The following PPARGC1B variants were observed in gnomAD, a reference collection of about 807,000 sequenced individuals.
PPARGC1B encodes PPARG coactivator 1 beta.
A neutral mutation model predicts 101.6 loss-of-function variants in PPARGC1B; 34 were observed. The observed-to-expected ratio is 0.33, with a 90% CI of 0.25 to 0.45. The LOEUF is 0.45. Ranked by LOEUF, PPARGC1B falls within the 20% of genes least tolerant of loss-of-function variation. The pLI is 1.00. For synonymous variants in PPARGC1B, 548 were observed against 539.3 expected, an observed-to-expected ratio of 1.02 and a Z score of -0.22; for missense variants, 1,234 against 1,317.6, an observed-to-expected ratio of 0.94 and a Z score of 0.98.
intron 1 of PPARGC1B, among the ~76,000 whole-genome samples, chr5:149,733,979 A>G (rs556712784): frequency 6.6e-6 from 1 of 152,346 alleles, no homozygotes; most frequent in Non-Finnish European, 1.5e-5. Context: ...ATTGTCATGT[A>G]TATTCCAGAC....
intron 1 of PPARGC1B, among the ~76,000 whole-genome samples, chr5:149,784,605 T>A (rs1279918341): frequency 2.3e-4 from 31 of 137,412 alleles, no homozygotes; most frequent in African/African-American, 7.8e-4. Context: ...TCTCGCTCTG[T>A]CGCCCAGGCT....
At chr5:149,797,344 T>C (rs543695174) in intron 1 of PPARGC1B, among the ~76,000 whole-genome samples, 4 of 152,364 alleles carry the variant, frequency 2.6e-5, no homozygotes, top group Non-Finnish European at 5.9e-5. Context: ...AAATTTAGCA[T>C]TTCCTTTATG....
intron 10 of PPARGC1B, among the ~76,000 whole-genome samples, chr5:149,842,973 G>A (rs188185192): frequency 8.7e-4 from 132 of 152,302 alleles, no homozygotes; most frequent in African/African-American, 3.1e-3. Flanking sequence ...TTCAAGACCA[G>A]CCTGGCCAAC....
At chr5:149,734,407 T>C (rs1017706796) in intron 1 of PPARGC1B, among the ~76,000 whole-genome samples, 4 of 151,662 alleles carry the variant, frequency 2.6e-5, no homozygotes, top group Admixed American at 2.0e-4. Context: ...ACTTGTTTTT[T>C]TTTTTCCTCT....
At chr5:149,733,965 CTTAA>C (rs1422543510) in intron 1 of PPARGC1B, among the ~76,000 whole-genome samples, 1 of 152,096 alleles carries the variant, frequency 6.6e-6, no homozygotes, top group Non-Finnish European at 1.5e-5. Context: ...AAGATAACCA[CTTAA>C]TTGTCATGTA....
intron 1 of PPARGC1B, among the ~76,000 whole-genome samples, chr5:149,794,400 C>T (rs1368243834): frequency 1.3e-5 from 2 of 152,068 alleles, no homozygotes; most frequent in Non-Finnish European, 2.9e-5. Flanking sequence ...CCCATGTAGG[C>T]AAGGGGGCTG....
intron 1 of PPARGC1B, among the ~76,000 whole-genome samples, chr5:149,746,687 T>C (rs546525153): frequency 3.0e-4 from 45 of 152,340 alleles, no homozygotes; most frequent in African/African-American, 8.7e-4. Flanking sequence ...CTGTTTTCCA[T>C]GGTGGCTGTA....
At position 149,833,375 on chromosome 5, in the gene PPARGC1B, G is replaced by A. The variant is rs1561612105; in HGVS notation, c.1302G>A (p.Glu434=). ...TGCAGCAGCAGGAGGAGGAAGACGA[G>A]GAAGAAGAGGAGGAGGAAGAGGAAG... ...ARLQQQEEED[E]EEEEEEEEEE... The change falls in exon 5 of 12, where the codon GAG becomes GAA. Residue 434 remains glutamate (E), a synonymous_variant. Transcript: ENST00000309241. The surrounding 1 kb of genome is among the most constrained non-coding windows in gnomAD (Gnocchi z 4.1). 1.2e-6 allele frequency: 2 copies of A among 1,613,294 alleles called. No homozygotes were observed. The highest frequency in any genetic ancestry group is 1.7e-5 in the Admixed American group (1 of 59,964).
intron 1 of PPARGC1B, among the ~76,000 whole-genome samples, chr5:149,766,804 C>T (rs554714481): frequency 2.4e-4 from 37 of 152,324 alleles, no homozygotes; most frequent in African/African-American, 7.9e-4. Context: ...TGCTCCCTGT[C>T]CCCCCACAAA....
intron 2 of PPARGC1B, among the ~76,000 whole-genome samples, chr5:149,821,044 A>G (rs1186200692): frequency 6.6e-6 from 1 of 152,216 alleles, no homozygotes; most frequent in Non-Finnish European, 1.5e-5. Flanking sequence ...CAGAAGTTGA[A>G]CTGGATTCAA....
chr5:149,777,052 G>T (rs1042945951), intron 1 of PPARGC1B, among the ~76,000 whole-genome samples: 5 of 152,220 alleles, frequency 3.3e-5, no homozygotes, highest in Non-Finnish European at 5.9e-5. Context: ...CATTGTGCAG[G>T]TGCTGGGCCT....
chr5:149,824,898 C>G (rs62382344), intron 2 of PPARGC1B, among the ~76,000 whole-genome samples: 2 of 152,156 alleles, frequency 1.3e-5, no homozygotes, highest in Non-Finnish European at 2.9e-5. Context: ...GTTCTCTCCC[C>G]GTGTTCCCCC....
rs1383484119 is a variant in PPARGC1B at position 149,847,548 on chromosome 5, G to A, written c.3062G>A (p.Ser1021Asn). 1.2e-6 allele frequency: 2 copies of A among 1,613,628 alleles called. No individual in the cohort carries two copies. The highest frequency in any genetic ancestry group is 2.2e-5 in the South Asian group (2 of 91,062). ...FDSLLKEAQQ[S>N]LH ...AGCTTACTGAAAGAGGCCCAGCAGA[G>A]CCTGCATTGATAACAGCCTTAACCC... is the stretch of plus-strand genomic sequence containing the variant. The change falls in exon 12 of 12, where the codon AGC (serine) becomes AAC (asparagine). Residue 1021 changes from serine to asparagine, a missense_variant. Physicochemically the swap from Ser to Asn is conservative, Grantham distance 46. Transcript: ENST00000309241.
Position 149,756,332 on chromosome 5 carries a change from A to T in PPARGC1B, c.78+25912A>T, listed in dbSNP as rs1442513575. On this transcript the variant is annotated intron_variant, in intron 1 of 11. Transcript: ENST00000309241. ...CCAGGTGTGGTGGCAGGCACCTGTA[A>T]TCCCAGCTACTTGGGAGGCTGAGGC... 9.9e-5 allele frequency among the ~76,000 whole-genome samples: 15 copies of T among 152,158 alleles called. No individual in the cohort carries two copies. The East Asian group carries it at 2.9e-3, about 29-fold the overall frequency.
intron 1 of PPARGC1B, among the ~76,000 whole-genome samples, chr5:149,804,139 G>T (rs1359832809): frequency 6.6e-6 from 1 of 152,280 alleles, no homozygotes; most frequent in South Asian, 2.1e-4. Flanking sequence ...AGGGGGGTTA[G>T]TGTGAGAGAG....
chr5:149,842,135 G>A, intron 9 of PPARGC1B, 121 bp from the exon 10 acceptor site: 2 of 1,266,002 alleles, frequency 1.6e-6, no homozygotes, highest in Non-Finnish European at 2.2e-6. Flanking sequence ...ACTCCAGCCG[G>A]TATTGCTCAC....
At chr5:149,764,997 A>G (rs1755854059) in intron 1 of PPARGC1B, among the ~76,000 whole-genome samples, 1 of 151,984 alleles carries the variant, frequency 6.6e-6, no homozygotes, top group Non-Finnish European at 1.5e-5. Flanking sequence ...AGAATAGTGC[A>G]GAGAAAGAGG....
intron 1 of PPARGC1B, among the ~76,000 whole-genome samples, chr5:149,792,783 T>A (rs1281274943): frequency 3.3e-5 from 5 of 152,212 alleles, no homozygotes; most frequent in Admixed American, 2.6e-4. Flanking sequence ...TCAGTCTGCA[T>A]GCTTGGGTGC....
rs146595468 is a variant in PPARGC1B, at chr5:149,778,839, AGT to A, written c.79-41587_79-41586del. On this transcript the variant is annotated intron_variant, in intron 1 of 11. Transcript: ENST00000309241. Reference sequence around the variant, plus strand: ...GTTTGAAAAAAGGAAAGTTTTATGGAGTGTGTGTAGTCATAAAACCATCCTCT... The same window carrying A: ...GTTTGAAAAAAGGAAAGTTTTATGGAGTGTGTAGTCATAAAACCATCCTCT... Among the ~76,000 whole-genome samples, 657 of 152,242 alleles carry A rather than the reference AGT, an allele frequency of 4.3e-3. 7 individuals carry two copies. The highest frequency in any genetic ancestry group is 0.015 in the African/African-American group (609 of 41,538).
Sources: gnomAD v4.1 joint callset for allele counts (sites outside exome capture counted in the v4.1 genomes callset) on GRCh38, gnomAD v4.1.1 for gene constraint, Gnocchi (gnomAD v3.1) non-coding constraint, MANE v1.5 for transcripts, NCBI Gene and HGNC (gene_info 2026-07-23, HGNC 2026-07-21) for gene names.